Variants in ENKUR observed in about 807,000 individuals in gnomAD.
The protein encoded by ENKUR is enkurin, TRPC channel interacting protein, also known as enkurin.
A neutral mutation model predicts 27.6 loss-of-function variants in ENKUR; 19 were observed. The ratio of observed to expected loss-of-function variants is 0.69; its 90% CI spans 0.48 to 1.01. The LOEUF is 1.01. ENKUR is among the 50% of genes least tolerant of loss of function. The pLI is 0.00. For synonymous variants in ENKUR, 117 were observed against 96.9 expected (o/e 1.21, Z -1.22); for missense variants, 312 against 310.5 (o/e 1.00, Z -0.04).
At chr10:25,023,911 A>C in intron 2 of ENKUR, 2 of 1,614,222 alleles carry the variant, frequency 1.2e-6, no homozygotes, top group Non-Finnish European at 1.7e-6. Flanking sequence ...GGACTCGGAA[A>C]CATTCATTTC....
intron 2 of ENKUR, chr10:25,024,260 C>T: frequency 6.2e-7 from 1 of 1,614,152 alleles, no homozygotes; most frequent in Non-Finnish European, 8.5e-7. Flanking sequence ...TTTCATGGAC[C>T]AACAGGATCA....
At chr10:25,053,629 A>G (rs145151765) in intron 2 of ENKUR, among the ~76,000 whole-genome samples, 3 of 152,286 alleles carry the variant, frequency 2.0e-5, no homozygotes, top group African/African-American at 4.8e-5. Context: ...TCATAGGACA[A>G]TAATAGTAAT....
At chr10:25,047,281 A>T (rs1166392835) in intron 2 of ENKUR, among the ~76,000 whole-genome samples, 1 of 152,154 alleles carries the variant, frequency 6.6e-6, no homozygotes, top group Non-Finnish European at 1.5e-5. Context: ...GCCACTGGAA[A>T]ATGTTCCACT....
chr10:25,058,554 A>T (rs1260579445), intron 2 of ENKUR, among the ~76,000 whole-genome samples: 1 of 152,158 alleles, frequency 6.6e-6, no homozygotes, highest in Non-Finnish European at 1.5e-5. Flanking sequence ...CCCTTGATCT[A>T]TCCCATACTG....
rs1850566106 is a variant in ENKUR, at chr10:25,016,148, T to C, written c.-212A>G. The C allele has an allele frequency of 6.3e-5, 77 of 1,221,696 alleles. No homozygotes were observed. Among genetic ancestry groups the C allele is most frequent in the Non-Finnish European group, 7.7e-5 (75 of 979,414 alleles). The allele number at this position is 1,221,696 out of a possible 1,614,324, so 75.7% of individuals were successfully genotyped here. The stretch of plus-strand genomic sequence containing the variant: ...CTATTTCTCTCCGGATTGCTAAGCG[T>C]CGTTGACTGTGCGGTTGCCGTGGAA... On this transcript the variant is annotated 5_prime_UTR_variant, in exon 1 of 6. Coordinates refer to ENST00000331161, the MANE Select transcript of ENKUR (RefSeq NM_145010.4).
At position 25,021,248 on chromosome 10, in the gene ENKUR, A is replaced by G. The variant is rs78686453; in HGVS notation, c.38-25379T>C. Among the ~76,000 whole-genome samples the G allele has an allele frequency of 1.8e-3, 281 of 152,326 alleles. 5 individuals are homozygous for G. Among genetic ancestry groups the G allele is most frequent in the African/African-American group, 6.5e-3 (272 of 41,574 alleles). On this transcript the variant is annotated intron_variant, in intron 2 of 5. Transcript: ENST00000615958. ...CCACTATGATATGTGCTTTGATTTT[A>G]TTATAGACACTTATATAGCTAAGAG...
intron 2 of ENKUR, among the ~76,000 whole-genome samples, chr10:25,027,357 C>CAAAAAAAAAAA (rs71399946): frequency 2.1e-5 from 1 of 48,492 alleles, no homozygotes; most frequent in Non-Finnish European, 3.5e-5. Flanking sequence ...ACTCCCGTCT[C>CAAAAAAAAAAA]AAAAAAAAAA....
At chr10:25,046,842 A>G (rs1851126913) in intron 2 of ENKUR, among the ~76,000 whole-genome samples, 1 of 152,182 alleles carries the variant, frequency 6.6e-6, no homozygotes, top group Non-Finnish European at 1.5e-5. Context: ...AAGCACCACA[A>G]GGGCTTTGTT....
At chr10:24,999,727 C>T (rs1850146708) in intron 1 of ENKUR, among the ~76,000 whole-genome samples, 181 bp from the exon 2 acceptor site, 1 of 152,162 alleles carries the variant, frequency 6.6e-6, no homozygotes, top group Non-Finnish European at 1.5e-5. Context: ...TAGATGGAAG[C>T]TCTGCCCTAA....
chr10:25,027,719 A>C (rs1850884315), intron 2 of ENKUR, among the ~76,000 whole-genome samples: 1 of 151,916 alleles, frequency 6.6e-6, no homozygotes, highest in Non-Finnish European at 1.5e-5. Context: ...ATCTCTACAA[A>C]AAATACAAAA....
At chr10:25,054,485 C>CTTTA (rs766573806) in intron 2 of ENKUR, among the ~76,000 whole-genome samples, 15 of 116,832 alleles carry the variant, frequency 1.3e-4, no homozygotes, top group Non-Finnish European at 2.6e-4. Context: ...TTCTTTCTTT[C>CTTTA]TTTCTTTCTT....
At position 24,984,064 on chromosome 10, in the gene ENKUR, A is replaced by G. The variant is rs986667651; in HGVS notation, c.*306T>C. 6 of 318,500 alleles carry G rather than the reference A, an allele frequency of 1.9e-5. No homozygotes were observed. The highest frequency in any genetic ancestry group is 1.3e-4 in the African/African-American group (6 of 46,888). The allele number at this position is 318,500 out of a possible 1,614,324, so 19.7% of individuals were successfully genotyped here. A position where few individuals can be genotyped will look rare whatever the true frequency, so the allele number is the denominator to read the frequency against. ...AAGAGTATCGAGGTTGGTATGCTAG[A>G]AAGGAGGCTATTCTCCTTAATCATC... On this transcript the variant is annotated 3_prime_UTR_variant, in exon 6 of 6. Coordinates refer to ENST00000331161, the MANE Select transcript of ENKUR (RefSeq NM_145010.4).
At position 25,032,451 on chromosome 10, in the gene ENKUR, G is replaced by A. The variant is rs117435491; in HGVS notation, c.37+28661C>T. Among the ~76,000 whole-genome samples the A allele has an allele frequency of 3.0e-4, 46 of 152,206 alleles. No individual in the cohort carries two copies. In the East Asian group the frequency reaches 7.0e-3, roughly 23 times the overall value. On this transcript the variant is annotated intron_variant, in intron 2 of 5. Coordinates refer to the ENKUR transcript ENST00000615958. ...TCCCAGAATTTGAAGTCTCTCCGTA[G>A]AATAAGCGCTTAATCCTAATCAGCA...
chr10:25,039,492 A>G (rs1312052089), intron 2 of ENKUR, among the ~76,000 whole-genome samples: 2 of 152,180 alleles, frequency 1.3e-5, no homozygotes, highest in African/African-American at 4.8e-5. Flanking sequence ...AGCAGAGAGA[A>G]TCACTTGAGC....
At chr10:25,034,718 A>C (rs956548958) in intron 2 of ENKUR, among the ~76,000 whole-genome samples, 1 of 152,188 alleles carries the variant, frequency 6.6e-6, no homozygotes, top group African/African-American at 2.4e-5. Flanking sequence ...ATTCTTCTCT[A>C]TTAAAGTAAT....
In ENKUR at chr10:25,021,300, T is replaced by G. The variant is rs542828553; in HGVS notation, c.38-25431A>C. On this transcript the variant is annotated intron_variant, in intron 2 of 5. Coordinates refer to the ENKUR transcript ENST00000615958. ...TATCTTTTTGTGGCAAGAGTTTTAT[T>G]TGGGCTTTTTATAGTGGATATTATT... is the stretch of plus-strand genomic sequence containing the variant. 3.8e-3 allele frequency among the ~76,000 whole-genome samples: 573 copies of G among 152,348 alleles called. 2 individuals are homozygous for G. Among genetic ancestry groups the G allele is most frequent in the Middle Eastern group, 0.01 (3 of 294 alleles).
chr10:24,987,670 C>G (rs1370246917), intron 4 of ENKUR, among the ~76,000 whole-genome samples: 1 of 152,108 alleles, frequency 6.6e-6, no homozygotes, highest in Non-Finnish European at 1.5e-5. Flanking sequence ...GGAGCCCTGA[C>G]TGAAGTAGCC....
chr10:25,040,529 C>T (rs1274674646), intron 2 of ENKUR, among the ~76,000 whole-genome samples: 3 of 147,090 alleles, frequency 2.0e-5, no homozygotes, highest in Non-Finnish European at 4.5e-5. Context: ...TGCCACCACG[C>T]CCGGCTAACT....
rs760068209 is a variant in ENKUR, at chr10:25,061,117, G to T, written c.32C>A (p.Ser11Tyr). The T allele has an allele frequency of 9.1e-6, 14 of 1,536,032 alleles. 1 individual carries two copies. Among genetic ancestry groups the T allele is most frequent in the Middle Eastern group, 1.7e-4 (1 of 5,990 alleles). The change falls in exon 2 of 6, where the codon TCC becomes TAC. Residue 11 changes from serine to tyrosine, a missense_variant. By Grantham distance (144) the Ser-to-Tyr change is moderately radical. Transcript: ENST00000615958. ...CACAAGAATGTCAGTATTACCTGGG[G>T]AGCCACCTCCAGTCACCCGCTCTGT... is the stretch of plus-strand genomic sequence containing the variant.
Sources: allele counts gnomAD v4.1 joint callset (sites outside exome capture counted in the v4.1 genomes callset), GRCh38; gene constraint gnomAD v4.1.1; transcripts MANE v1.5; gene names NCBI Gene and HGNC (gene_info 2026-07-23, HGNC 2026-07-21).